The following MYLK variants were observed in gnomAD, a reference collection of about 807,000 sequenced individuals.
MYLK encodes the protein myosin light chain kinase, smooth muscle.
A neutral mutation model predicts 203.4 loss-of-function variants in MYLK; 106 were observed. The observed-to-expected ratio is 0.52, with a 90% confidence interval of 0.45 to 0.61. MYLK has a LOEUF of 0.61. Among genes scored for constraint, MYLK ranks in the 20% least tolerant of loss-of-function variants. The pLI is 0.00. For missense variants in MYLK, 2,072 were observed against 2,442.3 expected, an observed-to-expected ratio of 0.85 and a Z score of 3.20; for synonymous variants, 867 against 959.5, an observed-to-expected ratio of 0.90 and a Z score of 1.78.
intron 29 of MYLK, among the ~76,000 whole-genome samples, chr3:123,632,183 C>T (rs1336240525): frequency 2.0e-5 from 3 of 152,056 alleles, no homozygotes; most frequent in Non-Finnish European, 4.4e-5. Flanking sequence ...CCAGCTTCTC[C>T]TTTTATACAT....
chr3:123,635,510 C>T (rs1249781582), intron 29 of MYLK, among the ~76,000 whole-genome samples: 1 of 152,152 alleles, frequency 6.6e-6, no homozygotes, highest in Non-Finnish European at 1.5e-5. Flanking sequence ...GTCAGTGCCA[C>T]CTGGCCTGGG....
In MYLK at chr3:123,884,197, C is replaced by T. The variant is rs1436578069; in HGVS notation, c.-186+9G>A. The stretch of plus-strand genomic sequence containing the variant: ...CGCCTGGACAAAAGCATGGGGCGGG[C>T]TCACTCACCCGCGCGGCGAAGGCGG... On this transcript the variant is annotated intron_variant, in intron 1 of 33. Transcript: ENST00000360304. 2.5e-4 allele frequency: 38 copies of T among 151,270 alleles called. No homozygotes were observed. The highest frequency in any genetic ancestry group is 8.7e-4 in the African/African-American group (36 of 41,328). 9.4% of individuals were successfully genotyped at this position (151,270 alleles called of 1,614,324 possible).
At chr3:123,752,662 C>A in intron 4 of MYLK, 124 bp from the exon 5 acceptor site, 1 of 989,704 alleles carries the variant, frequency 1.0e-6, no homozygotes, top group South Asian at 1.4e-5. Context: ...CCATTTCATC[C>A]TCATTTTACA....
intron 2 of MYLK, among the ~76,000 whole-genome samples, chr3:123,842,356 T>C (rs2066610952): frequency 6.6e-6 from 1 of 152,086 alleles, no homozygotes; most frequent in African/African-American, 2.4e-5. Flanking sequence ...GTTTTAGAAA[T>C]GGGGGTCTAG....
At chr3:123,685,546 C>T (rs953348557) in intron 19 of MYLK, among the ~76,000 whole-genome samples, 3 of 148,680 alleles carry the variant, frequency 2.0e-5, no homozygotes, top group Non-Finnish European at 3.0e-5. Context: ...ATGATCGTGC[C>T]GCTGCAGTGA....
At chr3:123,871,514 T>C (rs1440170408) in intron 2 of MYLK, among the ~76,000 whole-genome samples, 2 of 152,076 alleles carry the variant, frequency 1.3e-5, no homozygotes, top group Non-Finnish European at 1.5e-5. Flanking sequence ...CTAAAGAAAT[T>C]AAAAGGATAA....
At chr3:123,862,564 G>A (rs2700401) in intron 2 of MYLK, among the ~76,000 whole-genome samples, 3,149 of 152,162 alleles carry the variant, frequency 0.021, 102 homozygotes, top group African/African-American at 0.071. Flanking sequence ...CATGATGCTT[G>A]CTGACTTTCC....
Position 123,717,602 on chromosome 3 carries a change from G to GA in MYLK, c.1804+4525_1804+4526insT, listed in dbSNP as rs1576713742. On this transcript the variant is annotated intron_variant, in intron 13 of 33. Coordinates refer to ENST00000360304, the MANE Select transcript of MYLK (RefSeq NM_053025.4). ...TAGCCTTGATGGAGATACTCCAGGG[G>GA]GAAAAAATTTTAAATATTCTAGCCC... Among the ~76,000 whole-genome samples, 5 of 5,530 alleles carry GA rather than the reference G, an allele frequency of 9.0e-4. No homozygotes were observed. In the East Asian group the frequency reaches 0.14, roughly 151 times the overall value. The allele number at this position is 5,530 out of a possible 152,430, so 3.6% of individuals were successfully genotyped here. A position where few individuals can be genotyped will look rare whatever the true frequency, so the allele number is the denominator to read the frequency against.
chr3:123,863,561 T>C, intron 2 of MYLK, among the ~76,000 whole-genome samples: 1 of 152,008 alleles, frequency 6.6e-6, no homozygotes, highest in East Asian at 1.9e-4. Context: ...GAATAATATT[T>C]CAAAAAGAAA....
rs568974320 is a variant in MYLK, at chr3:123,620,468, C to A, written c.5239-132G>T. Reference sequence around the variant, plus strand: ...CCTGGAACAAGGACCTCCTGAGAGCCGAGGTTCTGCCAGAGGAGCGAACCC... The same window carrying A: ...CCTGGAACAAGGACCTCCTGAGAGCAGAGGTTCTGCCAGAGGAGCGAACCC... On this transcript the variant is annotated intron_variant, in intron 31 of 33. Coordinates refer to ENST00000360304, the MANE Select transcript of MYLK (RefSeq NM_053025.4). 9 of 1,577,316 alleles carry A rather than the reference C, an allele frequency of 5.7e-6. No individual in the cohort carries two copies. The African/African-American group carries it at 1.1e-4, about 19-fold the overall frequency.
At chr3:123,755,709 T>C (rs1176070088) in intron 4 of MYLK, among the ~76,000 whole-genome samples, 1 of 152,176 alleles carries the variant, frequency 6.6e-6, no homozygotes, top group Admixed American at 6.5e-5. Context: ...CCCTCCCAGG[T>C]TGCCTTATCT....
chr3:123,617,706 A>C (rs1332566949), intron 33 of MYLK: 2 of 152,392 alleles, frequency 1.3e-5, no homozygotes, highest in South Asian at 2.1e-4. Context: ...AATGGGTGAT[A>C]ACCCACCACC....
chr3:123,836,260 T>A (rs545013045), intron 2 of MYLK, among the ~76,000 whole-genome samples: 3 of 152,180 alleles, frequency 2.0e-5, no homozygotes, highest in African/African-American at 7.2e-5. Flanking sequence ...TACAAAAGTA[T>A]ATAGTGAAAT....
At chr3:123,641,863 T>A in intron 27 of MYLK, among the ~76,000 whole-genome samples, 1 of 143,614 alleles carries the variant, frequency 7.0e-6, no homozygotes. Flanking sequence ...CTTTCCTTTC[T>A]TTCGCTTTTG....
intron 24 of MYLK, among the ~76,000 whole-genome samples, chr3:123,656,863 C>G (rs531904663): frequency 2.0e-5 from 3 of 152,316 alleles, no homozygotes; most frequent in East Asian, 3.9e-4. Context: ...AACTCCTATG[C>G]TCCTGAGTAA....
chr3:123,650,254 C>G (rs1190462686), intron 24 of MYLK, among the ~76,000 whole-genome samples: 1 of 152,202 alleles, frequency 6.6e-6, no homozygotes, highest in African/African-American at 2.4e-5. Flanking sequence ...CTGGCTAGCT[C>G]TGGATGCCAC....
At chr3:123,879,480 ACT>A (rs1235099530) in intron 1 of MYLK, among the ~76,000 whole-genome samples, 2 of 151,776 alleles carry the variant, frequency 1.3e-5, no homozygotes, top group Admixed American at 1.3e-4. Flanking sequence ...TTCCTGCATC[ACT>A]CTAGCCCCTG....
intron 2 of MYLK, among the ~76,000 whole-genome samples, chr3:123,876,039 A>G (rs142478982): frequency 6.5e-4 from 99 of 152,326 alleles, no homozygotes; most frequent in African/African-American, 2.1e-3. Context: ...TATTCTGTCA[A>G]TCCTAAAGGT....
chr3:123,677,951 C>G (rs2060132743), intron 20 of MYLK, among the ~76,000 whole-genome samples: 1 of 129,532 alleles, frequency 7.7e-6, no homozygotes, highest in African/African-American at 2.9e-5. Flanking sequence ...CATCCTGAGA[C>G]TGCAGCCAGG....
Sources: allele counts gnomAD v4.1 joint callset (sites outside exome capture counted in the v4.1 genomes callset), GRCh38; gene constraint gnomAD v4.1.1; transcripts MANE v1.5; gene names NCBI Gene and HGNC (gene_info 2026-07-23, HGNC 2026-07-21).